The following DDX4 variants were observed in gnomAD, a reference collection of about 807,000 sequenced individuals.
DDX4 encodes the protein probable ATP-dependent RNA helicase DDX4.
A neutral mutation model predicts 100.0 loss-of-function variants in DDX4; 25 were observed. That is an observed-to-expected ratio of 0.25 (90% confidence interval 0.18 to 0.35). DDX4 has a LOEUF of 0.35. Among genes scored for constraint, DDX4 ranks in the 10% least tolerant of loss-of-function variants. The pLI is 1.00. For synonymous variants in DDX4, 259 were observed against 275.7 expected (o/e 0.94, Z 0.60); for missense variants, 635 against 882.4 (o/e 0.72, Z 3.55).
chr5:55,774,701 G>A (rs1218465921), intron 7 of DDX4, among the ~76,000 whole-genome samples: 2 of 152,106 alleles, frequency 1.3e-5, no homozygotes, highest in Middle Eastern at 3.2e-3. Context: ...TATAGATGGT[G>A]TAGGGTGGGG....
intron 16 of DDX4, among the ~76,000 whole-genome samples, chr5:55,791,280 T>A (rs1469677512): frequency 6.6e-6 from 1 of 152,192 alleles, no homozygotes; most frequent in African/African-American, 2.4e-5. Context: ...TGAACCAGAT[T>A]TGCTTTTTAA....
chr5:55,751,309 C>G (rs888034783), intron 3 of DDX4, among the ~76,000 whole-genome samples: 2 of 152,220 alleles, frequency 1.3e-5, no homozygotes, highest in Middle Eastern at 3.2e-3. Context: ...TCATAGCTCA[C>G]TGCAGCTTCA....
chr5:55,787,793 A>G (rs1363946837), intron 14 of DDX4, 53 bp from the exon 15 acceptor site: 1 of 1,567,904 alleles, frequency 6.4e-7, no homozygotes, highest in Non-Finnish European at 8.6e-7. Flanking sequence ...AGCTTTCCAT[A>G]GGGATAAAAG....
chr5:55,738,871 A>G, intron 1 of DDX4, 79 bp from the exon 2 acceptor site: 3 of 879,418 alleles, frequency 3.4e-6, no homozygotes, highest in Middle Eastern at 2.3e-4. Flanking sequence ...ATGTATGTGA[A>G]ACAATGAGTT....
At chr5:55,776,765 G>T (rs1741588635) in intron 7 of DDX4, among the ~76,000 whole-genome samples, 1 of 152,030 alleles carries the variant, frequency 6.6e-6, no homozygotes, top group Non-Finnish European at 1.5e-5. Context: ...ATTGTATACA[G>T]TAGTAAGACA....
intron 3 of DDX4, among the ~76,000 whole-genome samples, chr5:55,756,241 C>G (rs1037437019): frequency 2.0e-5 from 3 of 152,106 alleles, no homozygotes; most frequent in Non-Finnish European, 2.9e-5. Context: ...ATTGGCATCA[C>G]CTGGGAACTT....
At chr5:55,764,392 A>G (rs1013947004) in intron 6 of DDX4, among the ~76,000 whole-genome samples, 5 of 152,200 alleles carry the variant, frequency 3.3e-5, no homozygotes, top group African/African-American at 1.2e-4. Flanking sequence ...TTTGTGATGT[A>G]TAGGGTCACA....
intron 19 of DDX4, 112 bp downstream of exon 19, chr5:55,813,884 C>T: frequency 8.0e-7 from 1 of 1,243,270 alleles, no homozygotes. Context: ...ATTCAGAATT[C>T]TCTCAGATCT....
rs761862063 is a variant in DDX4, at chr5:55,781,075, T to C, written c.506T>C (p.Leu169Ser). The C allele has an allele frequency of 6.2e-7, 1 of 1,608,790 alleles. No individual in the cohort carries two copies. The highest frequency in any genetic ancestry group is 8.5e-7 in the Non-Finnish European group (1 of 1,178,658). The change falls in exon 9 of 22, where the codon TTA (leucine) becomes TCA (serine). Residue 169 changes from leucine (L) to serine (S), a missense_variant. Transcript: ENST00000505374. ...CTTTCTGCAAATCAAGATAATGACT[T>C]AGACCCAGACGAATGTATGCAGCGC... ...GFGLGSPNND[L>S]DPDECMQRTG...
intron 3 of DDX4, among the ~76,000 whole-genome samples, chr5:55,755,795 A>G (rs1441561532): frequency 6.6e-6 from 1 of 152,088 alleles, no homozygotes; most frequent in African/African-American, 2.4e-5. Context: ...GCATAAATGT[A>G]CAGCTCACTT....
At chr5:55,760,982 A>G (rs1288840854) in intron 4 of DDX4, among the ~76,000 whole-genome samples, 1 of 152,174 alleles carries the variant, frequency 6.6e-6, no homozygotes, top group Non-Finnish European at 1.5e-5. Context: ...TTATTCTTGA[A>G]TTTATGAGAT....
intron 18 of DDX4, among the ~76,000 whole-genome samples, chr5:55,809,334 T>C (rs1216969626): frequency 6.6e-6 from 1 of 152,132 alleles, no homozygotes; most frequent in Non-Finnish European, 1.5e-5. Context: ...TGCACCCAGT[T>C]TCTGACACTC....
intron 18 of DDX4, among the ~76,000 whole-genome samples, chr5:55,810,193 C>T (rs1744040984): frequency 6.6e-6 from 1 of 152,048 alleles, no homozygotes; most frequent in African/African-American, 2.4e-5. Context: ...CAGCCTCTGT[C>T]TCCTGGGTTC....
At chr5:55,765,324 G>A (rs1401855260) in intron 6 of DDX4, among the ~76,000 whole-genome samples, 1 of 146,684 alleles carries the variant, frequency 6.8e-6, no homozygotes, top group Non-Finnish European at 1.5e-5. Context: ...GCACTTGAGA[G>A]AACTTCTCTC....
intron 16 of DDX4, among the ~76,000 whole-genome samples, chr5:55,792,419 G>A (rs1397591736): frequency 6.7e-6 from 1 of 150,190 alleles, no homozygotes; most frequent in Non-Finnish European, 1.5e-5. Context: ...GGAGTGCAGT[G>A]GCGCGATCTT....
At chr5:55,767,591 ATTTT>A (rs1291022869) in intron 6 of DDX4, among the ~76,000 whole-genome samples, 1 of 152,136 alleles carries the variant, frequency 6.6e-6, no homozygotes, top group Non-Finnish European at 1.5e-5. Context: ...TGAAATTCTT[ATTTT>A]TTGTTTTGTT....
At chr5:55,778,753 G>A (rs922108459) in intron 7 of DDX4, among the ~76,000 whole-genome samples, 1 of 152,118 alleles carries the variant, frequency 6.6e-6, no homozygotes, top group Non-Finnish European at 1.5e-5. Flanking sequence ...AATTAGCTGG[G>A]CATGTTGGTT....
At chr5:55,795,495 C>T (rs1338183237) in intron 17 of DDX4, among the ~76,000 whole-genome samples, 3 of 152,150 alleles carry the variant, frequency 2.0e-5, no homozygotes, top group East Asian at 1.9e-4. Context: ...TTGGGCCAGG[C>T]GCAGTAGCTC....
intron 3 of DDX4, 136 bp from the exon 4 acceptor site, chr5:55,760,064 T>G: frequency 1.3e-6 from 1 of 757,206 alleles, no homozygotes; most frequent in South Asian, 2.4e-5. Flanking sequence ...TTTTTTTTTT[T>G]TACTGGGCTG....
Sources: gnomAD v4.1 joint callset for allele counts (sites outside exome capture counted in the v4.1 genomes callset) on GRCh38, gnomAD v4.1.1 for gene constraint, MANE v1.5 for transcripts, NCBI Gene and HGNC (gene_info 2026-07-23, HGNC 2026-07-21) for gene names.